Variants in SSH2 observed in about 807,000 individuals in gnomAD.
The protein encoded by SSH2 is protein phosphatase Slingshot homolog 2.
SSH2 carries 37 observed loss-of-function variants against 135.2 expected under a neutral mutation model. The ratio of observed to expected loss-of-function variants is 0.27; its 90% CI spans 0.21 to 0.36. The LOEUF is 0.36. SSH2 is among the 10% of genes least tolerant of loss of function. The probability of loss-of-function intolerance (pLI) is 1.00; values close to 1 mark genes in which losing one functional copy is unlikely to be tolerated. For synonymous variants in SSH2, 628 were observed against 646.2 expected (o/e 0.97, Z 0.43); for missense variants, 1,408 against 1,765.3 (o/e 0.80, Z 3.63).
At chr17:29,703,495 C>T (rs956338392) in intron 3 of SSH2, among the ~76,000 whole-genome samples, 3 of 152,216 alleles carry the variant, frequency 2.0e-5, no homozygotes, top group Non-Finnish European at 4.4e-5. Flanking sequence ...GATCCGCCCA[C>T]CTCGGCCTCC....
intron 4 of SSH2, among the ~76,000 whole-genome samples, chr17:29,701,822 T>G (rs2038995286): frequency 6.6e-6 from 1 of 151,776 alleles, no homozygotes; most frequent in Non-Finnish European, 1.5e-5. Context: ...CCACCTGCCT[T>G]GGCGTCCCCA....
In SSH2 at chr17:29,700,416, C is replaced by A. The variant is rs2038929247; in HGVS notation, c.292+2543G>T. Among the ~76,000 whole-genome samples the A allele has an allele frequency of 2.6e-5, 4 of 152,288 alleles. No individual in the cohort carries two copies. In the South Asian group the frequency reaches 8.3e-4, roughly 32 times the overall value. On this transcript the variant is annotated intron_variant, in intron 4 of 15. Coordinates refer to ENST00000540801, the MANE Select transcript of SSH2 (RefSeq NM_001282129.2). Reference sequence around the variant, plus strand: ...CCTGGAGATCTCTCTCCCTAAGACACATTTTCTACGGTTCTTTTAAAACCT... The same window carrying A: ...CCTGGAGATCTCTCTCCCTAAGACAAATTTTCTACGGTTCTTTTAAAACCT...
In SSH2 at chr17:29,631,079, T is replaced by G. The variant is rs1598663926; in HGVS notation, c.4115A>C (p.Gln1372Pro). The change falls in exon 16 of 16, where the codon CAG (glutamine) becomes CCG (proline). Residue 1372 changes from glutamine (Q) to proline (P), a missense_variant. By Grantham distance (76) the Gln-to-Pro change is moderately conservative. This residue lies in a region of SSH2 where 1,080 missense variants were observed against 1,144.5 expected (regional missense o/e 0.94). Coordinates refer to ENST00000540801, the MANE Select transcript of SSH2 (RefSeq NM_001282129.2). Reference protein sequence around the residue: ...QSKPVERPLVQYAKEFGSSQQ... With the variant: ...QSKPVERPLVPYAKEFGSSQQ... The stretch of plus-strand genomic sequence containing the variant: ...ACTAGAACCAAATTCTTTGGCATAC[T>G]GCACAAGGGGCCTCTCCACTGGCTT... The G allele has an allele frequency of 6.2e-7, 1 of 1,614,226 alleles. No individual in the cohort carries two copies. Among genetic ancestry groups the G allele is most frequent in the East Asian group, 2.2e-5 (1 of 44,890 alleles).
intron 2 of SSH2, among the ~76,000 whole-genome samples, chr17:29,815,808 C>T (rs1160808861): frequency 2.0e-5 from 3 of 152,094 alleles, no homozygotes; most frequent in Admixed American, 2.0e-4. Context: ...CTATCCTATT[C>T]AATGTCCTTT....
At chr17:29,740,098 C>T (rs1156360648) in intron 3 of SSH2, among the ~76,000 whole-genome samples, 1 of 152,190 alleles carries the variant, frequency 6.6e-6, no homozygotes, top group Non-Finnish European at 1.5e-5. Flanking sequence ...CCTCTGAACT[C>T]CTTATCAGTC....
intron 2 of SSH2, among the ~76,000 whole-genome samples, chr17:29,797,511 G>A (rs568712210): frequency 2.0e-4 from 31 of 152,068 alleles, no homozygotes; most frequent in South Asian, 1.7e-3. Flanking sequence ...CCTTTTTATC[G>A]CTGAGGATTC....
chr17:29,807,832 CTTT>C (rs58284055), intron 2 of SSH2, among the ~76,000 whole-genome samples: 1,112 of 94,344 alleles, frequency 0.012, 14 homozygotes, highest in African/African-American at 0.043. Context: ...GTTTTGATGG[CTTT>C]TTTTTTTTTT....
chr17:29,927,679 C>T (rs1340728769), intron 1 of SSH2, among the ~76,000 whole-genome samples: 2 of 152,032 alleles, frequency 1.3e-5, no homozygotes, highest in East Asian at 1.9e-4. Flanking sequence ...ACAAGGACCT[C>T]GAAACAACTC....
At chr17:29,873,464 C>T (rs576782083) in intron 1 of SSH2, among the ~76,000 whole-genome samples, 23 of 151,886 alleles carry the variant, frequency 1.5e-4, no homozygotes, top group East Asian at 5.8e-4. Flanking sequence ...GAGGCTGAGG[C>T]GGGAGAATCA....
intron 3 of SSH2, among the ~76,000 whole-genome samples, chr17:29,751,818 A>T (rs1318307286): frequency 6.6e-6 from 1 of 152,196 alleles, no homozygotes; most frequent in East Asian, 1.9e-4. Flanking sequence ...AAGTAAAAAC[A>T]TATACTAGAT....
chr17:29,699,864 G>C (rs1018034022), intron 4 of SSH2, among the ~76,000 whole-genome samples: 2 of 152,158 alleles, frequency 1.3e-5, no homozygotes, highest in African/African-American at 2.4e-5. Flanking sequence ...TCTGGTACTG[G>C]GCACTGGGGA....
intron 3 of SSH2, chr17:29,716,260 C>CTTAT (rs561872137): frequency 8.6e-6 from 3 of 350,494 alleles, no homozygotes; most frequent in African/African-American, 2.2e-5. Context: ...GTTCTAAGTT[C>CTTAT]TTATTTATTT....
At chr17:29,757,028 G>A (rs1484768968) in intron 3 of SSH2, among the ~76,000 whole-genome samples, 3 of 152,136 alleles carry the variant, frequency 2.0e-5, no homozygotes, top group Non-Finnish European at 2.9e-5. Flanking sequence ...CTTTTGAGAG[G>A]GTTCTCAGCA....
intron 1 of SSH2, among the ~76,000 whole-genome samples, chr17:29,901,608 C>G (rs568282067): frequency 6.6e-6 from 1 of 152,226 alleles, no homozygotes; most frequent in East Asian, 1.9e-4. Flanking sequence ...AGAAATGGTT[C>G]TTCCTCTAAA....
In SSH2 at chr17:29,650,711, T is replaced by C. The variant is rs1393875869; in HGVS notation, c.1169A>G (p.Glu390Gly). The C allele has an allele frequency of 1.9e-6, 3 of 1,614,016 alleles. No individual in the cohort carries two copies. In the South Asian group the frequency reaches 3.3e-5, roughly 18 times the overall value. Residue 390 changes from glutamate (E) to glycine (G), a missense_variant, in exon 13 of 16, where the codon GAG becomes GGG. Physicochemically the swap from Glu to Gly is moderately conservative, Grantham distance 98. Around this residue, in one of 3 missense-constraint regions of SSH2, gnomAD observed 106 missense variants for 265.2 expected, o/e 0.40. Transcript: ENST00000540801. ...EYHNIRVYDE[E>G]ATDLLAYWND... ...CCAGTACGCCAGGAGATCCGTTGCC[T>C]CTTCATCATATACCCGAATGTTATG...
chr17:29,724,502 T>C (rs1454084744), intron 3 of SSH2, among the ~76,000 whole-genome samples: 2 of 101,908 alleles, frequency 2.0e-5, no homozygotes, highest in Non-Finnish European at 1.8e-5. Context: ...CACTCCAGCC[T>C]GGGCAACAAG....
At chr17:29,759,924 C>T (rs1408735635) in intron 3 of SSH2, among the ~76,000 whole-genome samples, 6 of 152,200 alleles carry the variant, frequency 3.9e-5, no homozygotes, top group African/African-American at 7.2e-5. Flanking sequence ...AACTTCTTCA[C>T]TCTATGACCG....
At chr17:29,714,270 A>C (rs1000622479) in intron 3 of SSH2, among the ~76,000 whole-genome samples, 1 of 152,136 alleles carries the variant, frequency 6.6e-6, no homozygotes, top group Non-Finnish European at 1.5e-5. Context: ...ATAGGTGGGA[A>C]TAAACAAACA....
At chr17:29,900,141 T>A (rs979517515) in intron 1 of SSH2, among the ~76,000 whole-genome samples, 2 of 152,190 alleles carry the variant, frequency 1.3e-5, no homozygotes, top group African/African-American at 4.8e-5. Context: ...TCAAGATGGA[T>A]TAAATACTTA....
Sources: gnomAD v4.1 joint callset for allele counts (sites outside exome capture counted in the v4.1 genomes callset) on GRCh38, gnomAD v4.1.1 for gene constraint, gnomAD v4.1.1 regional missense constraint, MANE v1.5 for transcripts, NCBI Gene and HGNC (gene_info 2026-07-23, HGNC 2026-07-21) for gene names.